LRP11: variants seen among roughly 807,000 people sequenced by gnomAD.
LRP11 encodes the protein low-density lipoprotein receptor-related protein 11.
LRP11 carries 25 observed loss-of-function variants against 43.1 expected under a neutral mutation model. That is an observed-to-expected ratio of 0.58 (90% CI 0.42 to 0.81). The LOEUF is 0.81. Ranked by LOEUF, LRP11 falls within the 30% of genes least tolerant of loss-of-function variation. The probability of loss-of-function intolerance (pLI) is 0.00; values close to 1 mark genes in which losing one functional copy is unlikely to be tolerated. For missense variants in LRP11, 623 were observed against 665.1 expected (o/e 0.94, Z 0.70); for synonymous variants, 316 against 299.4 (o/e 1.06, Z -0.57).
rs1416428344 is a variant in LRP11, at chr6:149,862,527, TCATTTTTAGTCCTTAAG to T, written c.613+864_613+880del. On this transcript the variant is annotated intron_variant, in intron 1 of 6. Coordinates refer to ENST00000239367, the MANE Select transcript of LRP11 (RefSeq NM_032832.6). ...AAAAAGTCAAACCGTCGAATCAGCA[TCATTTTTAGTCCTTAAG>T]AAACACGCTTTAAAGTTTCCTATTT... Among the ~76,000 whole-genome samples, 3 of 151,854 alleles carry T rather than the reference TCATTTTTAGTCCTTAAG, an allele frequency of 2.0e-5. No homozygotes were observed. The East Asian group carries it at 5.8e-4, about 29-fold the overall frequency.
intron 5 of LRP11, among the ~76,000 whole-genome samples, chr6:149,828,959 G>A (rs1776374258): frequency 6.6e-6 from 1 of 152,014 alleles, no homozygotes; most frequent in Non-Finnish European, 1.5e-5. Context: ...CCAGTTGCTC[G>A]TGGATCTCCA....
At chr6:149,842,663 A>G (rs1454469808) in intron 3 of LRP11, 2 of 1,551,074 alleles carry the variant, frequency 1.3e-6, no homozygotes, top group Non-Finnish European at 1.7e-6. Context: ...AGATGCAGCA[A>G]ATGGACCATC....
At chr6:149,833,008 C>G (rs958073861) in intron 5 of LRP11, among the ~76,000 whole-genome samples, 15 of 152,076 alleles carry the variant, frequency 9.9e-5, no homozygotes, top group African/African-American at 3.6e-4. Flanking sequence ...CAGCGTTTCA[C>G]CATGTTAGCC....
chr6:149,845,694 G>A (rs1270131970), intron 2 of LRP11, among the ~76,000 whole-genome samples: 1 of 151,836 alleles, frequency 6.6e-6, no homozygotes, highest in East Asian at 1.9e-4. Flanking sequence ...AATAAAAGTG[G>A]AAGTCAGTCT....
Position 149,863,924 on chromosome 6 carries a change from G to A in LRP11, c.97C>T (p.Pro33Ser). The A allele has an allele frequency of 6.8e-7, 1 of 1,477,252 alleles. No homozygotes were observed. The highest frequency in any genetic ancestry group is 8.9e-7 in the Non-Finnish European group (1 of 1,121,328). 91.5% of individuals were successfully genotyped at this position (1,477,252 alleles called of 1,614,324 possible). ...GGCGGCAAGGCCGCACGGCCGCTTG[G>A]CAGCCACAGGCAGAGCAGTAGCAGC... ...RGLLLLCLWLPSGRAALPPAA... is the reference protein window; with the variant it reads ...RGLLLLCLWLSSGRAALPPAA... Residue 33 changes from proline to serine, a missense_variant, in exon 1 of 7, where the codon CCA becomes TCA. Physicochemically the swap from Pro to Ser is moderately conservative, Grantham distance 74. Coordinates refer to ENST00000239367, the MANE Select transcript of LRP11 (RefSeq NM_032832.6).
intron 6 of LRP11, among the ~76,000 whole-genome samples, chr6:149,823,083 A>C (rs200752739): frequency 2.0e-5 from 3 of 147,354 alleles, no homozygotes; most frequent in Non-Finnish European, 3.0e-5. Flanking sequence ...CCAAAAAAAA[A>C]CAGAAGAAGA....
rs1776396473 is a variant in LRP11, at chr6:149,830,609, G to T, written c.1253-4250C>A. On this transcript the variant is annotated intron_variant, in intron 5 of 6. Transcript: ENST00000239367. ...GTAGAGAAATTGGCTAACTGTACTTGCAAAAGGGACCTAACCTCACAGGTG... is the reference window on the plus strand; with the variant it reads ...GTAGAGAAATTGGCTAACTGTACTTTCAAAAGGGACCTAACCTCACAGGTG... Among the ~76,000 whole-genome samples, 4 of 152,336 alleles carry T rather than the reference G, an allele frequency of 2.6e-5. No homozygotes were observed. In the South Asian group the frequency reaches 6.2e-4, roughly 24 times the overall value.
At chr6:149,837,526 A>G in intron 3 of LRP11, 63 bp from the exon 4 acceptor site, 1 of 1,555,720 alleles carries the variant, frequency 6.4e-7, no homozygotes, top group African/African-American at 1.4e-5. Flanking sequence ...GATGGGGATG[A>G]CAAAGGGGAG....
chr6:149,859,396 A>ATATATATATATTTTTTTTTTTTTTTT, intron 1 of LRP11, among the ~76,000 whole-genome samples: 4 of 71,496 alleles, frequency 5.6e-5, no homozygotes, highest in African/African-American at 1.6e-4. Context: ...ATATATATAT[A>ATATATATATATTTTTTTTTTTTTTTT]TTTTTTTTTT....
chr6:149,846,165 C>T (rs558785341), intron 2 of LRP11, among the ~76,000 whole-genome samples: 8 of 152,278 alleles, frequency 5.3e-5, no homozygotes, highest in African/African-American at 1.7e-4. Context: ...CAAGGCAAGA[C>T]AAAGACAGGG....
Position 149,863,844 on chromosome 6 carries a change from C to A in LRP11, c.177G>T (p.Leu59=). The change falls in exon 1 of 7, where the codon CTG becomes CTT. Residue 59 remains leucine (L), a synonymous_variant. Transcript: ENST00000239367. ...HAQLSGVEQL[L]EEFRRQLQQE... ...GCTGCAGTTGCCGGCGGAACTCCTC[C>A]AGCAGCTGCTCCACGCCCGACAGCT... The A allele has an allele frequency of 1.3e-6, 2 of 1,512,582 alleles. No homozygotes were observed. Among genetic ancestry groups the A allele is most frequent in the Non-Finnish European group, 1.8e-6 (2 of 1,139,150 alleles). The allele number at this position is 1,512,582 out of a possible 1,614,324, so 93.7% of individuals were successfully genotyped here. A position where few individuals can be genotyped will look rare whatever the true frequency, so the allele number is the denominator to read the frequency against.
At chr6:149,825,078 G>T (rs1776322171) in intron 6 of LRP11, among the ~76,000 whole-genome samples, 1 of 152,240 alleles carries the variant, frequency 6.6e-6, no homozygotes, top group Non-Finnish European at 1.5e-5. Flanking sequence ...TTGACATCTG[G>T]AGTATTCTTA....
chr6:149,834,903 AGGT>A (rs1434286362), intron 5 of LRP11, among the ~76,000 whole-genome samples: 1 of 152,216 alleles, frequency 6.6e-6, no homozygotes, highest in Admixed American at 6.5e-5. Context: ...TTTTCAAAAG[AGGT>A]GGTATTTTAA....
In LRP11 at chr6:149,863,613, G is replaced by A; in HGVS notation, c.408C>T (p.Ser136=). ...GWRQCVAACC[S]EPRCSVAVVE... ...CCACGGCCACGGAGCAGCGCGGCTC[G>A]GAGCAGCAGGCCGCCACGCATTGCC... is the stretch of plus-strand genomic sequence containing the variant. The change falls in exon 1 of 7, where the codon TCC becomes TCT. Residue 136 remains serine (S), a synonymous_variant. Transcript: ENST00000239367. 1 of 1,458,364 alleles carries A rather than the reference G, an allele frequency of 6.9e-7. No individual in the cohort carries two copies. Among genetic ancestry groups the A allele is most frequent in the Non-Finnish European group, 9.0e-7 (1 of 1,112,026 alleles). 90.3% of individuals were successfully genotyped at this position (1,458,364 alleles called of 1,614,324 possible).
chr6:149,840,647 T>TG (rs1776532782), intron 3 of LRP11, among the ~76,000 whole-genome samples: 1 of 152,160 alleles, frequency 6.6e-6, no homozygotes, highest in South Asian at 2.1e-4. Flanking sequence ...CTGATTTCTG[T>TG]GGGGATGACA....
intron 1 of LRP11, among the ~76,000 whole-genome samples, chr6:149,862,074 G>A (rs1776911054): frequency 6.6e-6 from 1 of 152,190 alleles, no homozygotes; most frequent in Admixed American, 6.5e-5. Context: ...GGGGGTCCAA[G>A]TGAAAGTGCT....
chr6:149,820,909 T>C (rs947626339), intron 6 of LRP11, among the ~76,000 whole-genome samples: 3 of 151,880 alleles, frequency 2.0e-5, no homozygotes, highest in Non-Finnish European at 2.9e-5. Flanking sequence ...AAGTTGTAGG[T>C]TCAGGTCCCA....
chr6:149,862,481 T>C (rs1776924104), intron 1 of LRP11, among the ~76,000 whole-genome samples: 1 of 152,136 alleles, frequency 6.6e-6, no homozygotes, highest in African/African-American at 2.4e-5. Flanking sequence ...GTGTCCTGAT[T>C]CTCTCATTCA....
rs1360999683 is a variant in LRP11, at chr6:149,818,894, A to ATGTAT, written c.*1650_*1654dup. 2 of 152,632 alleles carry ATGTAT rather than the reference A, an allele frequency of 1.3e-5. No homozygotes were observed. The highest frequency in any genetic ancestry group is 4.8e-5 in the African/African-American group (2 of 41,458). The allele number at this position is 152,632 out of a possible 1,614,324, so 9.5% of individuals were successfully genotyped here. A position where few individuals can be genotyped will look rare whatever the true frequency, so the allele number is the denominator to read the frequency against. On this transcript the variant is annotated 3_prime_UTR_variant, in exon 7 of 7. Transcript: ENST00000239367. ...ATAGCAACACAAAATTAATTTCTTC[A>ATGTAT]TGTATAAAAGATGTGCTGAAAGCTG...
Sources: allele counts gnomAD v4.1 joint callset (sites outside exome capture counted in the v4.1 genomes callset), GRCh38; gene constraint gnomAD v4.1.1; transcripts MANE v1.5; gene names NCBI Gene and HGNC (gene_info 2026-07-23, HGNC 2026-07-21).